The following ZSCAN5A variants were observed in gnomAD, a reference collection of about 807,000 sequenced individuals.
ZSCAN5A encodes the protein zinc finger and SCAN domain-containing protein 5A.
ZSCAN5A carries 12 observed loss-of-function variants against 23.7 expected under a neutral mutation model. The ratio of observed to expected loss-of-function variants is 0.51; its 90% CI spans 0.32 to 0.82. The LOEUF (loss-of-function observed/expected upper bound fraction) is 0.82, where lower values mean the gene tolerates loss of function less well. Among genes scored for constraint, ZSCAN5A ranks in the 40% least tolerant of loss-of-function variants. The pLI is 0.03. For missense variants in ZSCAN5A, 597 were observed against 617.9 expected, an observed-to-expected ratio of 0.97 and a Z score of 0.36; for synonymous variants, 257 against 239.9, an observed-to-expected ratio of 1.07 and a Z score of -0.66.
intron 2 of ZSCAN5A, chr19:56,296,000 C>G (rs2039848515): frequency 6.6e-6 from 1 of 152,518 alleles, no homozygotes; most frequent in Non-Finnish European, 1.5e-5. Flanking sequence ...CCCCGGGACT[C>G]TGTAGGAAGC....
Position 56,277,023 on chromosome 19 carries a change from C to A in ZSCAN5A, c.-128+36260G>T, listed in dbSNP as rs59214405. ...CATTAGCCATCAGAAAAATGGAAGC[C>A]AAAGCCACAGTGAGGTATCACTTCA... On this transcript the variant is annotated intron_variant, in intron 2 of 5. Transcript: ENST00000683990. Among the ~76,000 whole-genome samples, 712 of 152,088 alleles carry A rather than the reference C, an allele frequency of 4.7e-3. 10 individuals carry two copies. Among genetic ancestry groups the A allele is most frequent in the African/African-American group, 0.016 (672 of 41,470 alleles).
At chr19:56,341,011 T>C (rs2041588379) in intron 2 of ZSCAN5A, 2 of 152,204 alleles carry the variant, frequency 1.3e-5, no homozygotes, top group Admixed American at 6.5e-5. Flanking sequence ...CCCTTCAAGC[T>C]GGGAACCCCT....
chr19:56,307,969 C>A (rs1232606031), intron 2 of ZSCAN5A, among the ~76,000 whole-genome samples: 2 of 152,236 alleles, frequency 1.3e-5, no homozygotes, highest in Non-Finnish European at 2.9e-5. Flanking sequence ...CTCCAAGCTC[C>A]TCCTGCTTCT....
chr19:56,340,297 A>G (rs2041581654), intron 2 of ZSCAN5A, among the ~76,000 whole-genome samples: 1 of 152,152 alleles, frequency 6.6e-6, no homozygotes, highest in African/African-American at 2.4e-5. Flanking sequence ...ATGTCTCTCA[A>G]GGCAGTGCCT....
At position 56,221,879 on chromosome 19, in the gene ZSCAN5A, A is replaced by C. The variant is rs1405947331; in HGVS notation, c.1187T>G (p.Leu396Arg). Residue 396 changes from leucine (L) to arginine (R), a missense_variant, in exon 6 of 6, where the codon CTT becomes CGT. Physicochemically the swap from Leu to Arg is moderately radical, Grantham distance 102 (BLOSUM62 -2). Coordinates refer to ENST00000683990, the MANE Select transcript of ZSCAN5A (RefSeq NM_001322064.3). ...TCGCTGGTGAAATTGGAGGCTAATA[A>C]GCTGCATGAAGCGCTTCCCACAGAG... ...CNLCGKRFMQ[L>R]ISLQFHQRTH... 1.1e-5 allele frequency: 18 copies of C among 1,614,030 alleles called. No individual in the cohort carries two copies. Among genetic ancestry groups the C allele is most frequent in the Non-Finnish European group, 2.5e-6 (3 of 1,180,038 alleles).
At position 56,352,322 on chromosome 19, in the gene ZSCAN5A, T is replaced by A. The variant is rs2041672662; in HGVS notation, c.-358+10913A>T. ...ACCAGACAATTAAACATAATGCAAA[T>A]GAATGTGATTACTGGGGCACTGTAG... On this transcript the variant is annotated intron_variant, in intron 2 of 6. Transcript: ENST00000587340. The surrounding 1 kb of genome is among the most constrained non-coding windows in gnomAD (Gnocchi z 4.2). Among the ~76,000 whole-genome samples, 1 of 152,088 alleles carries A rather than the reference T, an allele frequency of 6.6e-6. No individual in the cohort carries two copies. Among genetic ancestry groups the A allele is most frequent in the African/African-American group, 2.4e-5 (1 of 41,408 alleles).
At chr19:56,233,875 GT>G (rs1350441817) in intron 2 of ZSCAN5A, among the ~76,000 whole-genome samples, 1 of 152,150 alleles carries the variant, frequency 6.6e-6, no homozygotes. Context: ...ATAACATTCA[GT>G]CATGGGGTTG....
At chr19:56,321,567 C>T in intron 2 of ZSCAN5A, 1 of 767,696 alleles carries the variant, frequency 1.3e-6, no homozygotes, top group South Asian at 1.4e-5. Context: ...AAGCTCACTA[C>T]CTCCCTGTCA....
chr19:56,278,475 C>T (rs867202358), intron 2 of ZSCAN5A, among the ~76,000 whole-genome samples: 4 of 152,330 alleles, frequency 2.6e-5, no homozygotes, highest in Middle Eastern at 3.4e-3. Flanking sequence ...AATCTAATCT[C>T]ACACAGATAA....
chr19:56,239,837 G>A (rs2146600838), intron 2 of ZSCAN5A, among the ~76,000 whole-genome samples: 2 of 152,256 alleles, frequency 1.3e-5, no homozygotes, highest in Middle Eastern at 6.8e-3. Flanking sequence ...ATTACTGTCT[G>A]TGTGGCGCGA....
chr19:56,353,960 T>C (rs1301399328), intron 2 of ZSCAN5A, among the ~76,000 whole-genome samples: 1 of 152,036 alleles, frequency 6.6e-6, no homozygotes, highest in Non-Finnish European at 1.5e-5. Flanking sequence ...TAGTCGCCCT[T>C]AAAAGAGAGG....
chr19:56,276,687 G>A (rs1313478019), intron 2 of ZSCAN5A, among the ~76,000 whole-genome samples: 1 of 151,720 alleles, frequency 6.6e-6, no homozygotes, highest in African/African-American at 2.4e-5. Flanking sequence ...CAGGCTGCGC[G>A]CCACCATGCC....
intron 2 of ZSCAN5A, among the ~76,000 whole-genome samples, chr19:56,262,629 A>C (rs1164119475): frequency 6.6e-6 from 1 of 151,538 alleles, no homozygotes; most frequent in Non-Finnish European, 1.5e-5. Flanking sequence ...ACGGGGTTTC[A>C]CCATGTTAGC....
intron 2 of ZSCAN5A, among the ~76,000 whole-genome samples, chr19:56,359,427 C>T (rs2041718623): frequency 6.6e-6 from 1 of 152,080 alleles, no homozygotes; most frequent in Non-Finnish European, 1.5e-5. Flanking sequence ...GAAATTGAGG[C>T]AGTAATTAAT....
chr19:56,232,106 GC>G (rs894137270), intron 2 of ZSCAN5A, among the ~76,000 whole-genome samples: 19 of 146,344 alleles, frequency 1.3e-4, no homozygotes, highest in African/African-American at 4.6e-4. Context: ...TCCTACCTCA[GC>G]CCCCCCAGGT....
chr19:56,311,573 T>G (rs531340479), intron 2 of ZSCAN5A, among the ~76,000 whole-genome samples: 57 of 152,342 alleles, frequency 3.7e-4, no homozygotes, highest in African/African-American at 1.3e-3. Flanking sequence ...CATAGACGGA[T>G]GGAAAATTCT....
chr19:56,278,283 GCCA>G (rs1361615973), intron 2 of ZSCAN5A, among the ~76,000 whole-genome samples: 2 of 152,152 alleles, frequency 1.3e-5, no homozygotes, highest in African/African-American at 4.8e-5. Flanking sequence ...ATAGGTGCAT[GCCA>G]CCATGCCTGG....
intron 2 of ZSCAN5A, among the ~76,000 whole-genome samples, chr19:56,330,582 G>A (rs1238199327): frequency 1.3e-5 from 2 of 152,006 alleles, no homozygotes; most frequent in African/African-American, 2.4e-5. Flanking sequence ...TTTCTCTGAC[G>A]ACTAGTAAAG....
intron 2 of ZSCAN5A, among the ~76,000 whole-genome samples, chr19:56,305,127 G>A (rs914229780): frequency 1.3e-5 from 2 of 152,086 alleles, no homozygotes; most frequent in African/African-American, 4.8e-5. Flanking sequence ...CAACACACAC[G>A]ACATAAAATT....
Sources: allele counts gnomAD v4.1 joint callset (sites outside exome capture counted in the v4.1 genomes callset), GRCh38; gene constraint gnomAD v4.1.1; non-coding constraint Gnocchi (gnomAD v3.1); transcripts MANE v1.5; gene names NCBI Gene and HGNC (gene_info 2026-07-23, HGNC 2026-07-21).